The following GALNT18 variants were observed in gnomAD, a reference collection of about 807,000 sequenced individuals.
GALNT18 encodes the protein polypeptide N-acetylgalactosaminyltransferase 18, also known as GalNAc-transferase 18.
GALNT18 carries 44 observed loss-of-function variants against 69.5 expected under a neutral mutation model. The ratio of observed to expected loss-of-function variants is 0.63; its 90% CI spans 0.50 to 0.81. The LOEUF is 0.81. Ranked by LOEUF, GALNT18 falls within the 40% of genes least tolerant of loss-of-function variation. GALNT18 has a pLI of 0.00. For missense variants in GALNT18, 715 were observed against 810.0 expected (o/e 0.88, Z 1.42); for synonymous variants, 364 against 318.2 (o/e 1.14, Z -1.53).
chr11:11,581,303 G>C (rs1402104811), intron 1 of GALNT18, among the ~76,000 whole-genome samples: 2 of 152,206 alleles, frequency 1.3e-5, no homozygotes, highest in Non-Finnish European at 2.9e-5. Flanking sequence ...AGGAGCACTG[G>C]CTGTGGCCAA....
chr11:11,595,639 T>C lies in GALNT18; in HGVS notation c.235+25720A>G, dbSNP rs908993570. On this transcript the variant is annotated intron_variant, in intron 1 of 10. Transcript: ENST00000227756. The surrounding 1 kb of genome is among the most constrained non-coding windows in gnomAD (Gnocchi z 5.2). Reference sequence around the variant, plus strand: ...TTTACATTTCCCAAATGGCTAATTATGTCCAGCATCCTTTCATGTGGTTAC... The same window carrying C: ...TTTACATTTCCCAAATGGCTAATTACGTCCAGCATCCTTTCATGTGGTTAC... 6.6e-6 allele frequency among the ~76,000 whole-genome samples: 1 copy of C among 152,262 alleles called. No individual in the cohort carries two copies. The highest frequency in any genetic ancestry group is 6.5e-5 in the Admixed American group (1 of 15,280).
intron 1 of GALNT18, among the ~76,000 whole-genome samples, chr11:11,524,524 T>A (rs1334395164): frequency 6.6e-6 from 1 of 152,208 alleles, no homozygotes; most frequent in Non-Finnish European, 1.5e-5. Context: ...CCATTGCATA[T>A]GGAGGCTCTC....
At chr11:11,445,103 C>A (rs990412755) in intron 2 of GALNT18, among the ~76,000 whole-genome samples, 1 of 152,240 alleles carries the variant, frequency 6.6e-6, no homozygotes, top group Admixed American at 6.5e-5. Flanking sequence ...TCAGCAAATG[C>A]TCAGTGCTAT....
chr11:11,518,659 C>T (rs537391777), intron 1 of GALNT18, among the ~76,000 whole-genome samples: 99 of 152,322 alleles, frequency 6.5e-4, no homozygotes, highest in African/African-American at 2.3e-3. Context: ...TGAAAACACA[C>T]GGACATAGAA....
At chr11:11,599,197 G>C (rs1444491693) in intron 1 of GALNT18, among the ~76,000 whole-genome samples, 1 of 152,098 alleles carries the variant, frequency 6.6e-6, no homozygotes, top group Non-Finnish European at 1.5e-5. Flanking sequence ...AAGTATGGAA[G>C]TCTCCAACTA....
At chr11:11,386,381 C>T (rs1854056372) in intron 3 of GALNT18, among the ~76,000 whole-genome samples, 1 of 152,160 alleles carries the variant, frequency 6.6e-6, no homozygotes, top group Non-Finnish European at 1.5e-5. Context: ...AATTACTTGG[C>T]CCCAAATCTT....
intron 5 of GALNT18, among the ~76,000 whole-genome samples, chr11:11,374,209 G>C (rs1398383997): frequency 1.3e-5 from 2 of 152,146 alleles, no homozygotes; most frequent in African/African-American, 4.8e-5. Flanking sequence ...CCAGGCCTTC[G>C]AGGTAGTCTC....
rs1489811797 is a variant in GALNT18 at position 11,541,692 on chromosome 11, C to G, written c.235+79667G>C. ...GCTAGTAAGGCCCCCTTCCCAGCCC[C>G]CACACCTCTATTGCCCCAAAGCGTC... On this transcript the variant is annotated intron_variant, in intron 1 of 10. Coordinates refer to ENST00000227756, the MANE Select transcript of GALNT18 (RefSeq NM_198516.3). This position sits in a 1 kb window ranked among gnomAD's most constrained non-coding sequence, Gnocchi z 4.8. 6.6e-6 allele frequency among the ~76,000 whole-genome samples: 1 copy of G among 152,152 alleles called. No individual in the cohort carries two copies. Among genetic ancestry groups the G allele is most frequent in the East Asian group, 1.9e-4 (1 of 5,180 alleles).
chr11:11,315,569 G>A lies in GALNT18; in HGVS notation c.1512+11517C>T, dbSNP rs139384753. Among the ~76,000 whole-genome samples, 4 of 152,206 alleles carry A rather than the reference G, an allele frequency of 2.6e-5. No individual in the cohort carries two copies. Among genetic ancestry groups the A allele is most frequent in the East Asian group, 1.9e-4 (1 of 5,168 alleles). On this transcript the variant is annotated intron_variant, in intron 9 of 10. Coordinates refer to ENST00000227756, the MANE Select transcript of GALNT18 (RefSeq NM_198516.3). The surrounding 1 kb of genome is among the most constrained non-coding windows in gnomAD (Gnocchi z 5.6). Reference sequence around the variant, plus strand: ...CCTCCGATGTCCCCTTTCTTCACCCGTGTAGAGTTTGCTCTTGGGTGAGGC... The same window carrying A: ...CCTCCGATGTCCCCTTTCTTCACCCATGTAGAGTTTGCTCTTGGGTGAGGC...
intron 6 of GALNT18, chr11:11,352,198 C>T (rs1475864933): frequency 2.5e-6 from 4 of 1,613,718 alleles, no homozygotes; most frequent in Non-Finnish European, 3.4e-6. Flanking sequence ...GACTGGTGGT[C>T]ATATCGCAGC....
intron 2 of GALNT18, among the ~76,000 whole-genome samples, chr11:11,448,292 T>C (rs1261579074): frequency 6.6e-6 from 1 of 152,210 alleles, no homozygotes; most frequent in Non-Finnish European, 1.5e-5. Context: ...GAATTCTCAC[T>C]GAACCTTAAA....
intron 1 of GALNT18, among the ~76,000 whole-genome samples, chr11:11,504,507 T>C (rs1026524947): frequency 1.3e-5 from 2 of 152,006 alleles, no homozygotes; most frequent in Non-Finnish European, 2.9e-5. Flanking sequence ...GTGTAATCCC[T>C]GCACTTTGGG....
chr11:11,320,161 C>G lies in GALNT18; in HGVS notation c.1512+6925G>C, dbSNP rs1407253784. Among the ~76,000 whole-genome samples the G allele has an allele frequency of 6.6e-6, 1 of 152,152 alleles. No individual in the cohort carries two copies. The highest frequency in any genetic ancestry group is 1.5e-5 in the Non-Finnish European group (1 of 68,036). On this transcript the variant is annotated intron_variant, in intron 9 of 10. Coordinates refer to ENST00000227756, the MANE Select transcript of GALNT18 (RefSeq NM_198516.3). This position sits in a 1 kb window ranked among gnomAD's most constrained non-coding sequence, Gnocchi z 4.9. ...ACCCATATAGTCTGGTTCTTAATCA[C>G]TATATATTGCCTCAGAAATTGTCTT...
rs1855487983 is a variant in GALNT18 at position 11,439,484 on chromosome 11, G to A, written c.429-6697C>T. 6.6e-6 allele frequency among the ~76,000 whole-genome samples: 1 copy of A among 152,180 alleles called. No homozygotes were observed. Among genetic ancestry groups the A allele is most frequent in the Non-Finnish European group, 1.5e-5 (1 of 68,032 alleles). On this transcript the variant is annotated intron_variant, in intron 2 of 10. Transcript: ENST00000227756. This position sits in a 1 kb window ranked among gnomAD's most constrained non-coding sequence, Gnocchi z 4.4. ...AGACCAATTCCCTTCCTGGGCTGGA[G>A]TCCAGTCCCCTGTGAGACTCTCACA...
chr11:11,496,832 T>C lies in GALNT18; in HGVS notation c.236-47896A>G. Among the ~76,000 whole-genome samples the C allele has an allele frequency of 6.6e-6, 1 of 151,874 alleles. No individual in the cohort carries two copies. The highest frequency in any genetic ancestry group is 6.6e-5 in the Admixed American group (1 of 15,262). On this transcript the variant is annotated intron_variant, in intron 1 of 10. Transcript: ENST00000227756. The surrounding 1 kb of genome is among the most constrained non-coding windows in gnomAD (Gnocchi z 4.0). ...GGCCTCCCACCTAATCAACCACTTC[T>C]ACGCCAGTTCCCTCACCCCCTGCCA...
intron 10 of GALNT18, among the ~76,000 whole-genome samples, chr11:11,288,763 G>T (rs10765829): frequency 0.47 from 71,984 of 152,066 alleles, 19,877 homozygotes; most frequent in Non-Finnish European, 0.6. Flanking sequence ...ATTCAGAAGA[G>T]CTTGTGGGGG....
rs1280838518 is a variant in GALNT18 at position 11,602,528 on chromosome 11, G to T, written c.235+18831C>A. Among the ~76,000 whole-genome samples, 4 of 152,126 alleles carry T rather than the reference G, an allele frequency of 2.6e-5. No homozygotes were observed. The highest frequency in any genetic ancestry group is 5.9e-5 in the Non-Finnish European group (4 of 68,006). ...GTTTTATTGAGCTGGAATTGGGGGA[G>T]GAAGGGCAATTATGGCTCAAATGTC... On this transcript the variant is annotated intron_variant, in intron 1 of 10. Transcript: ENST00000227756. This position sits in a 1 kb window ranked among gnomAD's most constrained non-coding sequence, Gnocchi z 4.7.
intron 1 of GALNT18, among the ~76,000 whole-genome samples, chr11:11,554,790 C>T (rs1254733430): frequency 6.6e-6 from 1 of 152,138 alleles, no homozygotes; most frequent in African/African-American, 2.4e-5. Flanking sequence ...CCCCTAGACA[C>T]TCTACTTATG....
At chr11:11,488,008 A>G (rs895345254) in intron 1 of GALNT18, among the ~76,000 whole-genome samples, 9 of 152,244 alleles carry the variant, frequency 5.9e-5, no homozygotes, top group Non-Finnish European at 1.2e-4. Context: ...ACAGCTGGGT[A>G]TGGGTCCTAG....
Sources: allele counts gnomAD v4.1 joint callset (sites outside exome capture counted in the v4.1 genomes callset), GRCh38; gene constraint gnomAD v4.1.1; non-coding constraint Gnocchi (gnomAD v3.1); transcripts MANE v1.5; gene names NCBI Gene and HGNC (gene_info 2026-07-23, HGNC 2026-07-21).